Variants in PIGG observed in about 807,000 individuals in gnomAD.
The protein encoded by PIGG is phosphatidylinositol glycan anchor biosynthesis class G (EMM blood group), also known as GPI ethanolamine phosphate transferase 2, catalytic subunit.
Under a neutral mutation model 83.2 loss-of-function variants are expected in PIGG, and 70 were observed. That is an observed-to-expected ratio of 0.84 (90% confidence interval 0.69 to 1.03). PIGG has a LOEUF of 1.03. Among genes scored for constraint, PIGG ranks in the 50% least tolerant of loss-of-function variants. The probability of loss-of-function intolerance (pLI) is 0.00; values close to 1 mark genes in which losing one functional copy is unlikely to be tolerated. For synonymous variants in PIGG, 532 were observed against 519.5 expected, an observed-to-expected ratio of 1.02 and a Z score of -0.33; for missense variants, 1,257 against 1,233.6, an observed-to-expected ratio of 1.02 and a Z score of -0.28.
At chr4:517,064 A>G (rs1724147419) in intron 6 of PIGG, among the ~76,000 whole-genome samples, 1 of 151,972 alleles carries the variant, frequency 6.6e-6, no homozygotes, top group South Asian at 2.1e-4. Context: ...GGCAGAGGAG[A>G]TGGCATTAAG....
At chr4:527,430 G>T in intron 10 of PIGG, 200 bp downstream of exon 10, 1 of 1,327,538 alleles carries the variant, frequency 7.5e-7, no homozygotes, top group South Asian at 2.2e-5. Flanking sequence ...TCAACCAGCT[G>T]CGTTGTTAGC....
intron 6 of PIGG, among the ~76,000 whole-genome samples, chr4:518,017 G>A (rs952067533): frequency 5.9e-5 from 9 of 152,142 alleles, no homozygotes; most frequent in Admixed American, 2.6e-4. Flanking sequence ...ACAAGCTTGC[G>A]CTGAGATGTA....
In PIGG at chr4:539,605, A is replaced by T; in HGVS notation, c.*236A>T. Reference sequence around the variant, plus strand: ...ACTTTTAATTTCCTCTGAATAAGCTATGGTGTGACCCAAATATGTGTGTTT... The same window carrying T: ...ACTTTTAATTTCCTCTGAATAAGCTTTGGTGTGACCCAAATATGTGTGTTT... On this transcript the variant is annotated 3_prime_UTR_variant, in exon 13 of 13. Transcript: ENST00000453061. 2.0e-6 allele frequency: 1 copy of T among 493,094 alleles called. No individual in the cohort carries two copies. Among genetic ancestry groups the T allele is most frequent in the South Asian group, 2.5e-5 (1 of 39,522 alleles). The allele number at this position is 493,094 out of a possible 1,614,324, so 30.5% of individuals were successfully genotyped here.
Position 507,261 on chromosome 4 carries a change from A to G in PIGG, c.571-144A>G, listed in dbSNP as rs1374666783. 17 of 639,810 alleles carry G rather than the reference A, an allele frequency of 2.7e-5. No individual in the cohort carries two copies. In the African/African-American group the frequency reaches 2.8e-4, roughly 10 times the overall value. The allele number at this position is 639,810 out of a possible 1,614,324, so 39.6% of individuals were successfully genotyped here. A position where few individuals can be genotyped will look rare whatever the true frequency, so the allele number is the denominator to read the frequency against. On this transcript the variant is annotated intron_variant, in intron 3 of 12. Coordinates refer to ENST00000453061, the MANE Select transcript of PIGG (RefSeq NM_001127178.3). ...AGCCTATTTATTTATTTTTAATGAC[A>G]TAGATTTTGTTGTGTTTCAACTCCC... is the stretch of plus-strand genomic sequence containing the variant.
intron 5 of PIGG, among the ~76,000 whole-genome samples, chr4:512,358 T>A (rs1553884051): frequency 2.6e-5 from 4 of 151,578 alleles, no homozygotes; most frequent in African/African-American, 7.3e-5. Context: ...TAGCTGGGAT[T>A]ACAGGCACCC....
Position 528,267 on chromosome 4 carries a change from A to C in PIGG, c.2261+1037A>C. 1 of 983,908 alleles carries C rather than the reference A, an allele frequency of 1.0e-6. No homozygotes were observed. Among genetic ancestry groups the C allele is most frequent in the African/African-American group, 1.7e-5 (1 of 57,308 alleles). The allele number at this position is 983,908 out of a possible 1,614,324, so 60.9% of individuals were successfully genotyped here. On this transcript the variant is annotated intron_variant, in intron 10 of 12. Coordinates refer to ENST00000453061, the MANE Select transcript of PIGG (RefSeq NM_001127178.3). This position sits in a 1 kb window ranked among gnomAD's most constrained non-coding sequence, Gnocchi z 4.8. ...ACTTATATGAAAGACTACATACTTA[A>C]AATACTGGTGATTATATTTAGGACC... is the stretch of plus-strand genomic sequence containing the variant.
At position 515,062 on chromosome 4, in the gene PIGG, G is replaced by C. The variant is rs560990774; in HGVS notation, c.902-911G>C. Among the ~76,000 whole-genome samples, 236 of 152,288 alleles carry C rather than the reference G, an allele frequency of 1.5e-3. 1 individual carries two copies. Among genetic ancestry groups the C allele is most frequent in the African/African-American group, 5.5e-3 (230 of 41,558 alleles). On this transcript the variant is annotated intron_variant, in intron 5 of 12. Transcript: ENST00000453061. The surrounding 1 kb of genome is among the most constrained non-coding windows in gnomAD (Gnocchi z 4.2). ...TGGCCAAGACCTGATTAATAAATTT[G>C]ACCAAATTAAAAACTCGCTACAAAA...
chr4:501,125 T>C (rs1553875637), intron 2 of PIGG: 1 of 456,368 alleles, frequency 2.2e-6, no homozygotes. Flanking sequence ...GACAGCAGCT[T>C]TGAAGTACAT....
intron 5 of PIGG, among the ~76,000 whole-genome samples, chr4:513,102 C>T (rs1463883579): frequency 6.6e-6 from 1 of 152,186 alleles, no homozygotes; most frequent in African/African-American, 2.4e-5. Context: ...GGCTTCTTAC[C>T]AAGGCCTAGT....
intron 5 of PIGG, among the ~76,000 whole-genome samples, chr4:512,707 C>G (rs1245481464): frequency 6.6e-6 from 1 of 151,780 alleles, no homozygotes; most frequent in Non-Finnish European, 1.5e-5. Flanking sequence ...CCCAGCTACT[C>G]AGGACGCTGA....
At position 533,745 on chromosome 4, in the gene PIGG, G is replaced by A. The variant is rs11931692; in HGVS notation, c.2572-73G>A. On this transcript the variant is annotated intron_variant, in intron 11 of 12. Coordinates refer to ENST00000453061, the MANE Select transcript of PIGG (RefSeq NM_001127178.3). ...CCTACACAGTTCACGCTAACATCGTGGCTCACGCTAACATCGTGGCTGTTG... is the reference window on the plus strand; with the variant it reads ...CCTACACAGTTCACGCTAACATCGTAGCTCACGCTAACATCGTGGCTGTTG... 196,331 of 1,407,508 alleles carry A rather than the reference G, an allele frequency of 0.14. 15,813 individuals carry two copies. Among genetic ancestry groups the A allele is most frequent in the African/African-American group, 0.32 (22,927 of 70,770 alleles). The allele number at this position is 1,407,508 out of a possible 1,614,324, so 87.2% of individuals were successfully genotyped here. A position where few individuals can be genotyped will look rare whatever the true frequency, so the allele number is the denominator to read the frequency against.
At position 507,602 on chromosome 4, in the gene PIGG, C is replaced by T. The variant is rs1553880496; in HGVS notation, c.759+9C>T. On this transcript the variant is annotated intron_variant, in intron 4 of 12. Transcript: ENST00000453061. ...CCTCACTGCAGTCGAAGGTGAGGCT[C>T]GCCGTCGCTCACTGTCTGCTGATGT... 27 of 1,603,488 alleles carry T rather than the reference C, an allele frequency of 1.7e-5. No individual in the cohort carries two copies. The highest frequency in any genetic ancestry group is 2.0e-5 in the Non-Finnish European group (24 of 1,173,536).
chr4:506,081 C>T (rs1719579459), intron 3 of PIGG, among the ~76,000 whole-genome samples, 154 bp downstream of exon 3: 1 of 151,772 alleles, frequency 6.6e-6, no homozygotes, highest in Non-Finnish European at 1.5e-5. Flanking sequence ...TATTCACTCA[C>T]ATAATCAGTT....
At chr4:508,693 T>C (rs1270640050) in intron 4 of PIGG, 136 bp from the exon 5 acceptor site, 19 of 735,852 alleles carry the variant, frequency 2.6e-5, no homozygotes, top group Non-Finnish European at 4.1e-5. Context: ...TATGAGCTCA[T>C]AGGAAAAAAA....
intron 5 of PIGG, 50 bp downstream of exon 5, chr4:509,020 C>G: frequency 1.3e-6 from 2 of 1,512,520 alleles, no homozygotes; most frequent in East Asian, 2.3e-5. Context: ...CATTTGTTTT[C>G]TATAGTCTGG....
At position 515,631 on chromosome 4, in the gene PIGG, T is replaced by C. The variant is rs111300179; in HGVS notation, c.902-342T>C. On this transcript the variant is annotated intron_variant, in intron 5 of 12. Coordinates refer to ENST00000453061, the MANE Select transcript of PIGG (RefSeq NM_001127178.3). The surrounding 1 kb of genome is among the most constrained non-coding windows in gnomAD (Gnocchi z 4.2). Reference sequence around the variant, plus strand: ...CCTCACTTCATTCTCCGGTTGGCTGTTGACCTTGCCAAAGTGACAGTCCCT... The same window carrying C: ...CCTCACTTCATTCTCCGGTTGGCTGCTGACCTTGCCAAAGTGACAGTCCCT... Among the ~76,000 whole-genome samples the C allele has an allele frequency of 2.0e-3, 298 of 152,346 alleles. 3 individuals carry two copies. The highest frequency in any genetic ancestry group is 6.7e-3 in the African/African-American group (277 of 41,588).
At chr4:522,171 C>T in intron 8 of PIGG, 1 of 606,280 alleles carries the variant, frequency 1.6e-6, no homozygotes, top group South Asian at 2.0e-5. Flanking sequence ...TCAGATGCCT[C>T]AGTTCTTGGA....
chr4:533,671 G>T, intron 11 of PIGG, 147 bp from the exon 12 acceptor site: 1 of 703,660 alleles, frequency 1.4e-6, no homozygotes, highest in South Asian at 1.8e-5. Flanking sequence ...CGGCTGGGCA[G>T]CCACCTCTGA....
intron 6 of PIGG, 34 bp downstream of exon 6, chr4:516,219 G>A (rs367904506): frequency 1.8e-4 from 269 of 1,464,778 alleles, no homozygotes; most frequent in Non-Finnish European, 2.5e-4. Flanking sequence ...CTCTGTCAGA[G>A]CTGTGTGTTT....
Sources: allele counts gnomAD v4.1 joint callset (sites outside exome capture counted in the v4.1 genomes callset), GRCh38; gene constraint gnomAD v4.1.1; non-coding constraint Gnocchi (gnomAD v3.1); transcripts MANE v1.5; gene names NCBI Gene and HGNC (gene_info 2026-07-23, HGNC 2026-07-21).